RCAN1: variants seen among roughly 807,000 people sequenced by gnomAD.
RCAN1 encodes the protein regulator of calcineurin 1, also known as calcipressin-1.
In RCAN1, 11 loss-of-function variants were observed where a neutral mutation model predicts 22.9. The ratio of observed to expected loss-of-function variants is 0.48; its 90% CI spans 0.30 to 0.79. The LOEUF (loss-of-function observed/expected upper bound fraction) is 0.79, where lower values mean the gene tolerates loss of function less well. RCAN1 is among the 30% of genes least tolerant of loss of function. The pLI, the probability that RCAN1 is intolerant of heterozygous loss-of-function variation, is 0.06. For synonymous variants in RCAN1, 136 were observed against 142.3 expected (o/e 0.96, Z 0.32); for missense variants, 291 against 337.8 (o/e 0.86, Z 1.09).
chr21:34,536,194 G>A (rs1372664454), intron 1 of RCAN1, among the ~76,000 whole-genome samples: 1 of 152,222 alleles, frequency 6.6e-6, no homozygotes, highest in Non-Finnish European at 1.5e-5. Flanking sequence ...TCTACTTAAT[G>A]ACTTGGAGAC....
chr21:34,559,545 T>C (rs537352722), intron 1 of RCAN1: 2 of 152,266 alleles, frequency 1.3e-5, no homozygotes, highest in Admixed American at 6.5e-5. Context: ...TTTCGGTGGA[T>C]TGAGTCAGCC....
intron 1 of RCAN1, among the ~76,000 whole-genome samples, chr21:34,571,246 T>C (rs916649724): frequency 6.6e-6 from 1 of 152,132 alleles, no homozygotes; most frequent in African/African-American, 2.4e-5. Flanking sequence ...TGAGCCGAGA[T>C]CGTACCATTG....
At chr21:34,575,783 TC>T (rs1484811534) in intron 1 of RCAN1, among the ~76,000 whole-genome samples, 1 of 152,092 alleles carries the variant, frequency 6.6e-6, no homozygotes, top group Non-Finnish European at 1.5e-5. Context: ...CAAAATGAGC[TC>T]CTGTAGCTGA....
intron 1 of RCAN1, among the ~76,000 whole-genome samples, chr21:34,585,510 G>A (rs542783940): frequency 4.2e-4 from 64 of 152,204 alleles, no homozygotes; most frequent in African/African-American, 1.5e-3. Context: ...TTCGGAGGCC[G>A]AGGTGGGCGG....
chr21:34,541,489 T>C (rs966849197), intron 1 of RCAN1, among the ~76,000 whole-genome samples: 7 of 152,240 alleles, frequency 4.6e-5, no homozygotes, highest in African/African-American at 1.7e-4. Flanking sequence ...AAGCAGGTGC[T>C]TTTATTAAAG....
At chr21:34,580,708 T>A (rs1019657438) in intron 1 of RCAN1, among the ~76,000 whole-genome samples, 4 of 152,186 alleles carry the variant, frequency 2.6e-5, no homozygotes, top group Admixed American at 2.0e-4. Flanking sequence ...TCCTCACCTT[T>A]GTGCATGGCT....
intron 1 of RCAN1, among the ~76,000 whole-genome samples, chr21:34,568,751 C>G (rs1987124203): frequency 6.6e-6 from 1 of 152,220 alleles, no homozygotes; most frequent in African/African-American, 2.4e-5. Context: ...CATTTCAAGT[C>G]TGATTTCATT....
intron 1 of RCAN1, among the ~76,000 whole-genome samples, chr21:34,581,297 T>C (rs1353695315): frequency 6.6e-6 from 1 of 151,076 alleles, no homozygotes; most frequent in African/African-American, 2.4e-5. Flanking sequence ...AGACGCTGTT[T>C]GTAGGGTCCA....
intron 1 of RCAN1, chr21:34,524,593 AC>A: frequency 6.6e-6 from 1 of 152,650 alleles, no homozygotes; most frequent in East Asian, 1.9e-4. Flanking sequence ...AAAAATTTCC[AC>A]GATCGCTTTT....
chr21:34,578,692 T>C (rs1317452955), intron 1 of RCAN1, among the ~76,000 whole-genome samples: 8 of 152,202 alleles, frequency 5.3e-5, no homozygotes, highest in Admixed American at 5.2e-4. Flanking sequence ...AAGAATCTCC[T>C]GAACTTTGTG....
intron 1 of RCAN1, among the ~76,000 whole-genome samples, chr21:34,593,778 A>G (rs1988051989): frequency 6.6e-6 from 1 of 152,214 alleles, no homozygotes; most frequent in African/African-American, 2.4e-5. Context: ...GGAAATAAAC[A>G]AGTGGAAAAA....
intron 1 of RCAN1, among the ~76,000 whole-genome samples, chr21:34,532,551 A>G (rs9680362): frequency 6.6e-6 from 1 of 152,234 alleles, no homozygotes; most frequent in African/African-American, 2.4e-5. Context: ...GCTGGTACAA[A>G]ATAGTCTCTC....
intron 1 of RCAN1, among the ~76,000 whole-genome samples, chr21:34,534,542 C>T (rs1985577749): frequency 1.3e-5 from 2 of 152,296 alleles, no homozygotes; most frequent in Non-Finnish European, 1.5e-5. Context: ...TAGACAAAAG[C>T]TTGTGCAAGT....
At chr21:34,525,298 C>T in intron 1 of RCAN1, 1 of 1,542,746 alleles carries the variant, frequency 6.5e-7, no homozygotes, top group East Asian at 2.5e-5. Context: ...TACGACCTTG[C>T]TCTCCTTGCA....
intron 1 of RCAN1, among the ~76,000 whole-genome samples, chr21:34,542,813 G>A (rs1024830669): frequency 6.6e-5 from 10 of 152,202 alleles, no homozygotes; most frequent in Non-Finnish European, 1.3e-4. Flanking sequence ...AGGAAGGAGA[G>A]ATGGGTGGGT....
chr21:34,520,933 G>A (rs1405675162), intron 3 of RCAN1: 5 of 345,546 alleles, frequency 1.4e-5, no homozygotes, highest in South Asian at 1.2e-4. Context: ...TCCAGAGGAC[G>A]GGAACTTCCT....
chr21:34,582,529 C>A (rs1987650737), intron 1 of RCAN1, among the ~76,000 whole-genome samples: 1 of 152,164 alleles, frequency 6.6e-6, no homozygotes. Context: ...AGGAAGGGAC[C>A]ACACTTGGCA....
rs982907409 is a variant in RCAN1, at chr21:34,518,000, C to T, written c.*84G>A. On this transcript the variant is annotated 3_prime_UTR_variant, in exon 4 of 4. Transcript: ENST00000313806. Reference sequence around the variant, plus strand: ...CCACCCCGATCTCGGCTGCCACCTCCGAAGAAGTCGTGACCAGCCACCTCC... The same window carrying T: ...CCACCCCGATCTCGGCTGCCACCTCTGAAGAAGTCGTGACCAGCCACCTCC... The T allele has an allele frequency of 1.3e-5, 20 of 1,543,854 alleles. No individual in the cohort carries two copies. Among genetic ancestry groups the T allele is most frequent in the South Asian group, 3.6e-5 (3 of 82,648 alleles).
intron 1 of RCAN1, among the ~76,000 whole-genome samples, chr21:34,567,551 T>C (rs140593300): frequency 0.033 from 4,497 of 135,006 alleles, 100 homozygotes; most frequent in Non-Finnish European, 0.046. Context: ...TGAGACTCCA[T>C]CTCAAAAAAA....
Sources: gnomAD v4.1 joint callset for allele counts (sites outside exome capture counted in the v4.1 genomes callset) on GRCh38, gnomAD v4.1.1 for gene constraint, MANE v1.5 for transcripts, NCBI Gene and HGNC (gene_info 2026-07-23, HGNC 2026-07-21) for gene names.